Variants in BBS9 observed in about 807,000 individuals in gnomAD.
BBS9 encodes the protein protein PTHB1.
In BBS9, 89 loss-of-function variants were observed where a neutral mutation model predicts 117.7. That is an observed-to-expected ratio of 0.76 (90% confidence interval 0.64 to 0.90). The LOEUF (loss-of-function observed/expected upper bound fraction) is 0.90, where lower values mean the gene tolerates loss of function less well. Among genes scored for constraint, BBS9 ranks in the 40% least tolerant of loss-of-function variants. The pLI is 0.00. For synonymous variants in BBS9, 379 were observed against 370.9 expected, an observed-to-expected ratio of 1.02 and a Z score of -0.25; for missense variants, 982 against 1,042.2, an observed-to-expected ratio of 0.94 and a Z score of 0.80.
intron 19 of BBS9, among the ~76,000 whole-genome samples, chr7:33,408,287 G>A (rs146844144): frequency 2.6e-5 from 4 of 152,196 alleles, no homozygotes; most frequent in Admixed American, 6.5e-5. Flanking sequence ...TAAGCCCGTC[G>A]GAAAAGTGCA....
intron 1 of BBS9, among the ~76,000 whole-genome samples, chr7:33,134,991 C>T (rs1008490300): frequency 6.6e-6 from 1 of 152,224 alleles, no homozygotes; most frequent in South Asian, 2.1e-4. Flanking sequence ...CTTCCAGTGT[C>T]AAGCAATTCT....
intron 9 of BBS9, among the ~76,000 whole-genome samples, chr7:33,290,554 C>T (rs1043601591): frequency 1.1e-4 from 17 of 151,976 alleles, no homozygotes; most frequent in South Asian, 2.1e-4. Flanking sequence ...ACTAAAGCAT[C>T]GACATTAAAA....
At chr7:33,316,815 G>A (rs564863062) in intron 9 of BBS9, among the ~76,000 whole-genome samples, 1 of 152,226 alleles carries the variant, frequency 6.6e-6, no homozygotes, top group South Asian at 2.1e-4. Flanking sequence ...TTTTCTCCCA[G>A]TCCTTGGCAT....
At chr7:33,506,849 A>G (rs1400735697) in intron 20 of BBS9, among the ~76,000 whole-genome samples, 1 of 152,220 alleles carries the variant, frequency 6.6e-6, no homozygotes, top group Non-Finnish European at 1.5e-5. Context: ...TTGCGACTAA[A>G]ATTGACCTTT....
At chr7:33,383,359 T>A (rs1489910876) in intron 17 of BBS9, among the ~76,000 whole-genome samples, 1 of 152,176 alleles carries the variant, frequency 6.6e-6, no homozygotes, top group East Asian at 1.9e-4. Context: ...TACAGGCCTT[T>A]TTAAAGGACC....
intron 21 of BBS9, among the ~76,000 whole-genome samples, chr7:33,572,983 C>T (rs1305400299): frequency 6.6e-6 from 1 of 151,930 alleles, no homozygotes; most frequent in Non-Finnish European, 1.5e-5. Flanking sequence ...AATTCAGGCT[C>T]CTGTGTCCTC....
intron 21 of BBS9, among the ~76,000 whole-genome samples, chr7:33,534,710 C>A (rs968043910): frequency 2.6e-5 from 4 of 152,148 alleles, no homozygotes; most frequent in Middle Eastern, 3.2e-3. Flanking sequence ...CCACTTGCCC[C>A]TCCATGGGCA....
intron 9 of BBS9, among the ~76,000 whole-genome samples, chr7:33,330,816 G>C (rs1454444293): frequency 6.6e-6 from 1 of 152,074 alleles, no homozygotes. Flanking sequence ...TAGCTCAGTC[G>C]ATGCACTTCA....
At chr7:33,481,652 T>C (rs561937820) in intron 19 of BBS9, among the ~76,000 whole-genome samples, 15 of 152,300 alleles carry the variant, frequency 9.8e-5, no homozygotes, top group South Asian at 8.3e-4. Context: ...TCCCAAAATA[T>C]TAATACTGTA....
chr7:33,159,245 T>C (rs564311500), intron 4 of BBS9, among the ~76,000 whole-genome samples: 1 of 152,298 alleles, frequency 6.6e-6, no homozygotes, highest in East Asian at 1.9e-4. Context: ...CAACTAGTCA[T>C]TGATGTCACT....
At chr7:33,194,307 T>C (rs890688018) in intron 5 of BBS9, among the ~76,000 whole-genome samples, 2 of 152,106 alleles carry the variant, frequency 1.3e-5, no homozygotes, top group African/African-American at 4.8e-5. Flanking sequence ...CCCCTCCTTC[T>C]CCTTATGTGG....
intron 21 of BBS9, among the ~76,000 whole-genome samples, chr7:33,566,396 G>A (rs1213203147): frequency 6.6e-6 from 1 of 151,662 alleles, no homozygotes; most frequent in Non-Finnish European, 1.5e-5. Context: ...TATACATTAT[G>A]TATATATATT....
At chr7:33,132,106 A>T (rs1247788846) in intron 1 of BBS9, among the ~76,000 whole-genome samples, 1 of 152,182 alleles carries the variant, frequency 6.6e-6, no homozygotes, top group African/African-American at 2.4e-5. Flanking sequence ...ATTTAATCAA[A>T]TTTATGACAT....
intron 21 of BBS9, among the ~76,000 whole-genome samples, chr7:33,621,347 G>T (rs1338740632): frequency 6.6e-6 from 1 of 152,028 alleles, no homozygotes; most frequent in East Asian, 1.9e-4. Flanking sequence ...TCAATAGCAA[G>T]GAAACAAAGA....
chr7:33,468,193 G>T (rs1320690166), intron 19 of BBS9, among the ~76,000 whole-genome samples: 1 of 152,116 alleles, frequency 6.6e-6, no homozygotes, highest in Non-Finnish European at 1.5e-5. Context: ...TGAGGAAGAA[G>T]ACTCTCCTAG....
chr7:33,453,531 T>C (rs1053934093), intron 19 of BBS9, among the ~76,000 whole-genome samples: 1 of 151,944 alleles, frequency 6.6e-6, no homozygotes, highest in African/African-American at 2.4e-5. Flanking sequence ...TTTTTTTTTT[T>C]TTTTTCTGAG....
intron 21 of BBS9, among the ~76,000 whole-genome samples, chr7:33,627,209 C>T (rs1562542829): frequency 6.6e-6 from 1 of 152,224 alleles, no homozygotes; most frequent in Non-Finnish European, 1.5e-5. Context: ...GTCCCAGATA[C>T]ATCTAGGCTG....
At chr7:33,296,204 C>T (rs918002212) in intron 9 of BBS9, among the ~76,000 whole-genome samples, 1 of 152,108 alleles carries the variant, frequency 6.6e-6, no homozygotes, top group Non-Finnish European at 1.5e-5. Context: ...TAAGAAGTAT[C>T]TCTGGAATTC....
In BBS9 at chr7:33,156,077, A is replaced by G. The variant is rs187657831; in HGVS notation, c.328+375A>G. 1.1e-4 allele frequency among the ~76,000 whole-genome samples: 16 copies of G among 152,204 alleles called. No individual in the cohort carries two copies. In the East Asian group the frequency reaches 3.1e-3, roughly 29 times the overall value. Reference sequence around the variant, plus strand: ...TTAGATGCTAAGTCATAGTGGTTTGAAGTACATTTTCTTTGGTGAACCTCA... The same window carrying G: ...TTAGATGCTAAGTCATAGTGGTTTGGAGTACATTTTCTTTGGTGAACCTCA... On this transcript the variant is annotated intron_variant, in intron 4 of 22. Transcript: ENST00000242067.
Sources: gnomAD v4.1 joint callset for allele counts (sites outside exome capture counted in the v4.1 genomes callset) on GRCh38, gnomAD v4.1.1 for gene constraint, MANE v1.5 for transcripts, NCBI Gene and HGNC (gene_info 2026-07-23, HGNC 2026-07-21) for gene names.